Variants in XKR9 observed in about 807,000 individuals in gnomAD.
XKR9 encodes XK related 9, also known as XK-related protein 9.
Under a neutral mutation model 32.0 loss-of-function variants are expected in XKR9, and 32 were observed. That is an observed-to-expected ratio of 1.00 (90% CI 0.76 to 1.34). The LOEUF (loss-of-function observed/expected upper bound fraction) is 1.34. Ranked by LOEUF, XKR9 falls within the 40% of genes most tolerant of loss-of-function variation. XKR9 has a pLI of 0.00. For missense variants in XKR9, 546 were observed against 429.7 expected (o/e 1.27, Z -2.39); for synonymous variants, 168 against 143.4 (o/e 1.17, Z -1.22).
the XKR9 span, among the ~76,000 whole-genome samples, chr8:70,945,591 TG>T: frequency 2.7e-5 from 4 of 150,452 alleles, no homozygotes; most frequent in South Asian, 2.1e-4. Context: ...ATTTTTTTTT[TG>T]ATCAAAGGCG....
At chr8:70,810,325 A>G in the XKR9 span, among the ~76,000 whole-genome samples, 1 of 152,242 alleles carries the variant, frequency 6.6e-6, no homozygotes, top group African/African-American at 2.4e-5. Context: ...GGTAACAGCC[A>G]CTGCAAAAAC....
the XKR9 span, among the ~76,000 whole-genome samples, chr8:70,883,125 C>A: frequency 6.6e-6 from 1 of 151,472 alleles, no homozygotes; most frequent in East Asian, 1.9e-4. Flanking sequence ...TTCCTCACCC[C>A]CCTTCCCAAC....
the XKR9 span, among the ~76,000 whole-genome samples, chr8:70,951,876 G>GA: frequency 7.0e-4 from 62 of 88,296 alleles, no homozygotes; most frequent in African/African-American, 2.8e-3. Context: ...TTGGGGGGGG[G>GA]GTGGTTCTCC....
the XKR9 span, among the ~76,000 whole-genome samples, chr8:71,064,937 GA>G: frequency 6.6e-6 from 1 of 152,140 alleles, no homozygotes; most frequent in African/African-American, 2.4e-5. Context: ...TGGACGCTGG[GA>G]AAGAGCTCTA....
chr8:70,717,737 G>A (rs112984892), intron 4 of XKR9, among the ~76,000 whole-genome samples: 21 of 152,272 alleles, frequency 1.4e-4, no homozygotes, highest in African/African-American at 5.1e-4. Flanking sequence ...ATTAACATTC[G>A]ACTGCGTAAT....
intron 2 of XKR9, among the ~76,000 whole-genome samples, chr8:70,752,561 C>T (rs927256632): frequency 1.3e-5 from 2 of 152,098 alleles, no homozygotes; most frequent in Non-Finnish European, 2.9e-5. Context: ...AGGCATTAAT[C>T]CCCCTTAATG....
chr8:70,671,422 C>T lies in XKR9; in HGVS notation c.-361+1884C>T, dbSNP rs1393224150. 4.2e-3 allele frequency among the ~76,000 whole-genome samples: 235 copies of T among 55,834 alleles called. 26 individuals carry two copies. The highest frequency in any genetic ancestry group is 0.029 in the Admixed American group (190 of 6,446). The allele number at this position is 55,834 out of a possible 152,430, so 36.6% of individuals were successfully genotyped here. On this transcript the variant is annotated intron_variant, in intron 1 of 4. Transcript: ENST00000408926. ...TATGTATACATGTGCCATGCTGGTG[C>T]GCTGCACCCACTAATGTGTCATCTA...
the XKR9 span, among the ~76,000 whole-genome samples, chr8:71,040,840 G>A: frequency 6.6e-6 from 1 of 152,044 alleles, no homozygotes; most frequent in African/African-American, 2.4e-5. Flanking sequence ...CTGTATTGGG[G>A]GAGGATTAGA....
the XKR9 span, among the ~76,000 whole-genome samples, chr8:70,854,794 C>A: frequency 4.1e-4 from 63 of 152,262 alleles, no homozygotes; most frequent in South Asian, 1.2e-3. Flanking sequence ...TTCCCCATTT[C>A]TTGTTTTTGT....
intron 3 of XKR9, among the ~76,000 whole-genome samples, chr8:70,701,873 A>G (rs889488981): frequency 6.6e-6 from 1 of 152,118 alleles, no homozygotes; most frequent in Admixed American, 6.5e-5. Context: ...TTGCATTTCT[A>G]TTTGATGTGT....
At chr8:71,055,674 A>AT in the XKR9 span, among the ~76,000 whole-genome samples, 1 of 152,198 alleles carries the variant, frequency 6.6e-6, no homozygotes, top group African/African-American at 2.4e-5. Flanking sequence ...ACATTGATGC[A>AT]TTTTCACTGT....
chr8:70,970,438 A>G, the XKR9 span, among the ~76,000 whole-genome samples: 1 of 152,038 alleles, frequency 6.6e-6, no homozygotes, highest in African/African-American at 2.4e-5. Context: ...CACCTACATT[A>G]GGTATTTCTC....
intron 2 of XKR9, among the ~76,000 whole-genome samples, chr8:70,762,120 G>T (rs7459778): frequency 0.33 from 50,236 of 151,980 alleles, 9,425 homozygotes; most frequent in Non-Finnish European, 0.43. Context: ...ATAGTTTGAA[G>T]TTGGGTAGTG....
chr8:70,801,214 G>C, the XKR9 span, among the ~76,000 whole-genome samples: 24 of 151,876 alleles, frequency 1.6e-4, no homozygotes, highest in African/African-American at 5.6e-4. Flanking sequence ...CTTTGGAGTT[G>C]GTTTCCTCTT....
At chr8:70,939,343 T>A in the XKR9 span, among the ~76,000 whole-genome samples, 2 of 152,110 alleles carry the variant, frequency 1.3e-5, no homozygotes, top group Non-Finnish European at 2.9e-5. Context: ...AGCTTCTGTG[T>A]TGAGTTAATG....
chr8:71,047,369 A>G, the XKR9 span, among the ~76,000 whole-genome samples: 3 of 152,244 alleles, frequency 2.0e-5, no homozygotes, highest in African/African-American at 7.2e-5. Context: ...GTAGTGCAAG[A>G]CAGAGTAAAG....
chr8:70,716,475 C>T (rs1450135618), intron 4 of XKR9, among the ~76,000 whole-genome samples: 2 of 152,100 alleles, frequency 1.3e-5, no homozygotes, highest in Non-Finnish European at 2.9e-5. Flanking sequence ...GAAGGGGAAG[C>T]AAACACATCC....
chr8:70,716,980 C>T (rs1806115434), intron 4 of XKR9, among the ~76,000 whole-genome samples: 1 of 152,166 alleles, frequency 6.6e-6, no homozygotes, highest in South Asian at 2.1e-4. Flanking sequence ...GCAACAGGCC[C>T]CATGCAAGTC....
At chr8:70,801,058 A>G in the XKR9 span, among the ~76,000 whole-genome samples, 1 of 143,840 alleles carries the variant, frequency 7.0e-6, no homozygotes, top group Non-Finnish European at 1.5e-5. Flanking sequence ...TAATTTGAAT[A>G]TTCTATTTTT....
Sources: gnomAD v4.1 joint callset for allele counts (sites outside exome capture counted in the v4.1 genomes callset) on GRCh38, gnomAD v4.1.1 for gene constraint, MANE v1.5 for transcripts, NCBI Gene and HGNC (gene_info 2026-07-23, HGNC 2026-07-21) for gene names.